Variants in CDK5RAP1 observed in about 807,000 individuals in gnomAD.
The protein encoded by CDK5RAP1 is CDK5RAP1 mitochondrial tRNA methylthiotransferase, also known as mitochondrial tRNA methylthiotransferase CDK5RAP1.
Under a neutral mutation model 64.5 loss-of-function variants are expected in CDK5RAP1, and 62 were observed. The ratio of observed to expected loss-of-function variants is 0.96; its 90% CI spans 0.78 to 1.19. The LOEUF (loss-of-function observed/expected upper bound fraction) is 1.19, where lower values mean the gene tolerates loss of function less well. Among genes scored for constraint, CDK5RAP1 ranks in the 50% most tolerant of loss-of-function variants. The pLI, the probability that CDK5RAP1 is intolerant of heterozygous loss-of-function variation, is 0.00. For missense variants in CDK5RAP1, 657 were observed against 735.0 expected (o/e 0.89, Z 1.23); for synonymous variants, 250 against 261.9 (o/e 0.95, Z 0.44).
chr20:33,369,653 C>T (rs902924997), intron 11 of CDK5RAP1, among the ~76,000 whole-genome samples: 16 of 152,168 alleles, frequency 1.1e-4, no homozygotes, highest in South Asian at 4.1e-4. Flanking sequence ...TCATGACTCA[C>T]GCCTGTCATC....
chr20:33,387,535 T>C lies in CDK5RAP1; in HGVS notation c.545-2A>G, dbSNP rs1470117967. The C allele has an allele frequency of 6.2e-7, 1 of 1,613,008 alleles. No individual in the cohort carries two copies. The highest frequency in any genetic ancestry group is 1.3e-5 in the African/African-American group (1 of 74,878). On this transcript the variant is annotated splice_acceptor_variant, in intron 5 of 13. Transcript: ENST00000346416. LOFTEE classifies it high-confidence loss of function. ...CCTTCAACCTCTCAGCCATGCAGCC[T>C]GGAAGGGAAAAAGAAACAAGCACCT...
intron 5 of CDK5RAP1, among the ~76,000 whole-genome samples, chr20:33,391,069 T>C (rs1988250216): frequency 6.6e-6 from 1 of 151,738 alleles, no homozygotes; most frequent in African/African-American, 2.4e-5. Flanking sequence ...GCCTGGGCAA[T>C]ATAGCAAGAC....
chr20:33,361,883 G>A (rs929607516), intron 12 of CDK5RAP1, among the ~76,000 whole-genome samples: 1 of 149,160 alleles, frequency 6.7e-6, no homozygotes. Flanking sequence ...TTAAACCTGG[G>A]AGGCAGAGGT....
At chr20:33,399,101 A>G in intron 1 of CDK5RAP1, among the ~76,000 whole-genome samples, 1 of 152,148 alleles carries the variant, frequency 6.6e-6, no homozygotes, top group African/African-American at 2.4e-5. Flanking sequence ...ATAAGAAACA[A>G]TAGTTGCCTC....
rs750949363 is a variant in CDK5RAP1, at chr20:33,374,165, G to A, written c.1155C>T (p.His385=). The change falls in exon 9 of 14, where the codon CAC becomes CAT. Residue 385 remains histidine (H), a synonymous_variant. Coordinates refer to ENST00000346416, the MANE Select transcript of CDK5RAP1 (RefSeq NM_016408.4). ...HERDNICKQI[H]LPAQSGSSRV... is the part of the protein sequence containing the mutation. ...GGCTGCTTCCACTCTGGGCTGGCAG[G>A]TGGATCTGTTTACAGATGTTATCTC... 3 of 1,614,046 alleles carry A rather than the reference G, an allele frequency of 1.9e-6. No individual in the cohort carries two copies. The highest frequency in any genetic ancestry group is 2.2e-5 in the East Asian group (1 of 44,886).
intron 13 of CDK5RAP1, chr20:33,359,775 CA>C (rs1982551329): frequency 6.4e-6 from 1 of 155,082 alleles, no homozygotes. Flanking sequence ...GATATGAGAA[CA>C]AGACAGGGAA....
chr20:33,387,533 C>T lies in CDK5RAP1; in HGVS notation c.545G>A (p.Gly182Asp). The T allele has an allele frequency of 1.2e-6, 2 of 1,613,222 alleles. No homozygotes were observed. The highest frequency in any genetic ancestry group is 8.5e-7 in the Non-Finnish European group (1 of 1,179,322). ...SRVPLRIGIL[G>D]CMAERLKEEI... ...CTCCTTCAACCTCTCAGCCATGCAG[C>T]CTGGAAGGGAAAAAGAAACAAGCAC... The change falls in exon 6 of 14, where the codon GGC becomes GAC. Residue 182 changes from glycine (G) to aspartate (D), a missense_variant and splice_region_variant. Coordinates refer to ENST00000346416, the MANE Select transcript of CDK5RAP1 (RefSeq NM_016408.4).
chr20:33,365,183 A>G (rs924230442), intron 12 of CDK5RAP1, among the ~76,000 whole-genome samples: 1 of 152,214 alleles, frequency 6.6e-6, no homozygotes, highest in Admixed American at 6.5e-5. Context: ...GGCTTGAGCC[A>G]CCATGCCCAG....
intron 7 of CDK5RAP1, among the ~76,000 whole-genome samples, chr20:33,381,635 C>A (rs1172393680): frequency 5.9e-5 from 9 of 152,078 alleles, no homozygotes. Context: ...GCCAAGTTGC[C>A]CAGGCTAGTC....
chr20:33,397,551 A>C (rs1600817138), intron 1 of CDK5RAP1, among the ~76,000 whole-genome samples: 1 of 152,230 alleles, frequency 6.6e-6, no homozygotes, highest in African/African-American at 2.4e-5. Context: ...ATGGATGCAA[A>C]GCCCGTGCCA....
At position 33,392,202 on chromosome 20, in the gene CDK5RAP1, G is replaced by A; in HGVS notation, c.484C>T (p.Leu162Phe). 6.2e-7 allele frequency: 1 copy of A among 1,614,046 alleles called. No homozygotes were observed. The highest frequency in any genetic ancestry group is 1.1e-5 in the South Asian group (1 of 91,064). Residue 162 changes from leucine to phenylalanine, a missense_variant, in exon 5 of 14, where the codon CTT (leucine) becomes TTT (phenylalanine). Physicochemically the swap from Leu to Phe is conservative, Grantham distance 22. Transcript: ENST00000346416. ...GGCCGCCTTGTCTTCAAGGCTTTAA[G>A]CTGATGTAAACGGTTCCAGATGGTC... ...EQTIWNRLHQLKALKTRRPRS... is the reference protein window; with the variant it reads ...EQTIWNRLHQFKALKTRRPRS...
intron 10 of CDK5RAP1, among the ~76,000 whole-genome samples, chr20:33,371,322 G>A (rs4911331): frequency 0.042 from 6,385 of 152,198 alleles, 411 homozygotes; most frequent in Admixed American, 0.15. Flanking sequence ...CAGTGACCCA[G>A]TGAGGTGAGT....
intron 7 of CDK5RAP1, among the ~76,000 whole-genome samples, chr20:33,379,914 TA>T (rs1193363375): frequency 6.6e-6 from 1 of 152,196 alleles, no homozygotes. Context: ...ATATAAAAAT[TA>T]ATCTTCAAAA....
Position 33,392,238 on chromosome 20 carries a change from T to C in CDK5RAP1, c.448A>G (p.Lys150Glu). The change falls in exon 5 of 14, where the codon AAG becomes GAG. Residue 150 changes from lysine to glutamate, a missense_variant. Transcript: ENST00000346416. ...ILLVTCSIREKAEQTIWNRLH... is the reference protein window; with the variant it reads ...ILLVTCSIREEAEQTIWNRLH... ...CGGTTCCAGATGGTCTGCTCAGCCT[T>C]CTCCCTAGAGAGATCAAAGGAGGCA... 6.2e-7 allele frequency: 1 copy of C among 1,610,908 alleles called. No homozygotes were observed.
At position 33,364,280 on chromosome 20, in the gene CDK5RAP1, C is replaced by A. The variant is rs139764050; in HGVS notation, c.1542+2579G>T. 8.0e-3 allele frequency among the ~76,000 whole-genome samples: 1,211 copies of A among 151,484 alleles called. 20 individuals are homozygous for A. Among genetic ancestry groups the A allele is most frequent in the African/African-American group, 0.028 (1,155 of 41,202 alleles). ...CTTGGCTCACTGCAACCTCTGCCTCCCAGGTTCAAGCAATTCTCTGCCTCA... is the reference window on the plus strand; with the variant it reads ...CTTGGCTCACTGCAACCTCTGCCTCACAGGTTCAAGCAATTCTCTGCCTCA... On this transcript the variant is annotated intron_variant, in intron 12 of 13. Transcript: ENST00000346416.
intron 5 of CDK5RAP1, among the ~76,000 whole-genome samples, chr20:33,390,787 T>G (rs963730894): frequency 2.6e-5 from 4 of 152,162 alleles, no homozygotes; most frequent in African/African-American, 9.7e-5. Flanking sequence ...GATAACTAAA[T>G]ATGCTCCATC....
At chr20:33,388,576 C>T (rs1987790621) in intron 5 of CDK5RAP1, among the ~76,000 whole-genome samples, 1 of 122,780 alleles carries the variant, frequency 8.1e-6, no homozygotes, top group East Asian at 2.9e-4. Flanking sequence ...CCCTCTCCCC[C>T]TCTCCCTCTC....
At chr20:33,390,646 A>C (rs1436933121) in intron 5 of CDK5RAP1, among the ~76,000 whole-genome samples, 1 of 152,184 alleles carries the variant, frequency 6.6e-6, no homozygotes, top group African/African-American at 2.4e-5. Context: ...ACAGTTTTTT[A>C]AATTATTCTT....
At chr20:33,394,890 T>G (rs1988746613) in intron 3 of CDK5RAP1, 123 bp downstream of exon 3, 1 of 690,328 alleles carries the variant, frequency 1.4e-6, no homozygotes, top group African/African-American at 1.8e-5. Flanking sequence ...TGGTGAACAC[T>G]TCACCCAAGG....
Sources: gnomAD v4.1 joint callset for allele counts (sites outside exome capture counted in the v4.1 genomes callset) on GRCh38, gnomAD v4.1.1 for gene constraint, MANE v1.5 for transcripts, NCBI Gene and HGNC (gene_info 2026-07-23, HGNC 2026-07-21) for gene names.